Variants in PARD3B observed in about 807,000 individuals in gnomAD.
The protein encoded by PARD3B is partitioning defective 3 homolog B.
Under a neutral mutation model 130.2 loss-of-function variants are expected in PARD3B, and 103 were observed. The observed-to-expected ratio is 0.79, with a 90% CI of 0.67 to 0.93. The LOEUF is 0.93. Among genes scored for constraint, PARD3B ranks in the 40% least tolerant of loss-of-function variants. The pLI is 0.00. For missense variants in PARD3B, 1,609 were observed against 1,499.2 expected, an observed-to-expected ratio of 1.07 and a Z score of -1.21; for synonymous variants, 583 against 553.2, an observed-to-expected ratio of 1.05 and a Z score of -0.76.
At chr2:205,485,403 A>G (rs1299691845) in intron 20 of PARD3B, among the ~76,000 whole-genome samples, 1 of 152,212 alleles carries the variant, frequency 6.6e-6, no homozygotes, top group Non-Finnish European at 1.5e-5. Context: ...CACGTTAGCC[A>G]ACAAGTAGGG....
Position 205,172,392 on chromosome 2 carries a change from T to C in PARD3B, c.1791+11T>C, listed in dbSNP as rs185713091. ...GAGAGACCAATGGAGGTGATGCAAA[T>C]CTTGATTCTCCTCAGCCAGTTGCCC... is the stretch of plus-strand genomic sequence containing the variant. On this transcript the variant is annotated intron_variant, in intron 12 of 22. Coordinates refer to ENST00000406610, the MANE Select transcript of PARD3B (RefSeq NM_001302769.2). The C allele has an allele frequency of 3.5e-4, 560 of 1,609,836 alleles. 3 individuals carry two copies. In the African/African-American group the frequency reaches 6.7e-3, roughly 19 times the overall value.
chr2:205,084,671 A>G (rs767334782), intron 4 of PARD3B, among the ~76,000 whole-genome samples: 1 of 151,964 alleles, frequency 6.6e-6, no homozygotes. Context: ...CATACTTCCT[A>G]TAAAGTTTCC....
chr2:205,162,967 T>G (rs1576019094), intron 11 of PARD3B, among the ~76,000 whole-genome samples: 1 of 152,174 alleles, frequency 6.6e-6, no homozygotes, highest in African/African-American at 2.4e-5. Flanking sequence ...TAGTAAAAAT[T>G]TTTACATCTA....
rs576492913 is a variant in PARD3B, at chr2:205,125,011, G to T, written c.1305+545G>T. Among the ~76,000 whole-genome samples, 2 of 152,220 alleles carry T rather than the reference G, an allele frequency of 1.3e-5. No homozygotes were observed. The highest frequency in any genetic ancestry group is 6.5e-5 in the Admixed American group (1 of 15,288). ...TTTATTTTTGTCTGAGGACATTATC[G>T]TCTTGATAATTATATATTGTCCATT... On this transcript the variant is annotated intron_variant, in intron 9 of 22. Transcript: ENST00000406610. This position sits in a 1 kb window ranked among gnomAD's most constrained non-coding sequence, Gnocchi z 4.0.
intron 2 of PARD3B, among the ~76,000 whole-genome samples, chr2:204,781,288 A>G (rs2041827961): frequency 1.3e-5 from 2 of 152,156 alleles, no homozygotes; most frequent in East Asian, 1.9e-4. Flanking sequence ...AATGACTTTC[A>G]TGTACATTTA....
At chr2:204,836,845 C>T (rs1299425806) in intron 2 of PARD3B, among the ~76,000 whole-genome samples, 1 of 151,790 alleles carries the variant, frequency 6.6e-6, no homozygotes, top group Non-Finnish European at 1.5e-5. Flanking sequence ...TGAGTTTTTT[C>T]CTTTATGGTT....
Position 204,634,179 on chromosome 2 carries a change from C to A in PARD3B, c.121-52002C>A, listed in dbSNP as rs577118647. Among the ~76,000 whole-genome samples the A allele has an allele frequency of 3.3e-5, 5 of 152,230 alleles. No homozygotes were observed. In the South Asian group the frequency reaches 1.0e-3, roughly 32 times the overall value. On this transcript the variant is annotated intron_variant, in intron 1 of 22. Transcript: ENST00000406610. ...AGCCTCTAGTAACCATCCTTCTATTCTGTATATCCCTGAGTTCAATTGTTT... is the reference window on the plus strand; with the variant it reads ...AGCCTCTAGTAACCATCCTTCTATTATGTATATCCCTGAGTTCAATTGTTT...
chr2:205,153,340 G>A (rs1031701470), intron 10 of PARD3B, among the ~76,000 whole-genome samples: 3 of 152,126 alleles, frequency 2.0e-5, no homozygotes, highest in Non-Finnish European at 4.4e-5. Context: ...GAAATCACCC[G>A]TCTTCTGTGT....
intron 21 of PARD3B, among the ~76,000 whole-genome samples, chr2:205,543,482 C>A (rs2106467039): frequency 6.6e-6 from 1 of 152,278 alleles, no homozygotes; most frequent in African/African-American, 2.4e-5. Context: ...ACCATGGGTT[C>A]ATTTGAACTT....
chr2:205,610,497 G>A (rs942172675), intron 22 of PARD3B, among the ~76,000 whole-genome samples: 2 of 152,138 alleles, frequency 1.3e-5, no homozygotes, highest in Non-Finnish European at 2.9e-5. Flanking sequence ...TACCTAGTAA[G>A]CCCAGTTTCC....
intron 2 of PARD3B, among the ~76,000 whole-genome samples, chr2:204,903,653 C>G (rs2046945806): frequency 1.3e-5 from 2 of 152,058 alleles, no homozygotes; most frequent in Non-Finnish European, 2.9e-5. Flanking sequence ...TTTTATCGAT[C>G]TGGAATAAAA....
chr2:205,173,606 G>T (rs10198882), intron 12 of PARD3B, among the ~76,000 whole-genome samples: 54,322 of 151,952 alleles, frequency 0.36, 9,958 homozygotes, highest in Middle Eastern at 0.5. Flanking sequence ...TATCAGCTAC[G>T]GGCAAGGAGT....
At chr2:205,028,157 G>T (rs189572703) in intron 3 of PARD3B, among the ~76,000 whole-genome samples, 17 of 152,080 alleles carry the variant, frequency 1.1e-4, no homozygotes, top group African/African-American at 3.1e-4. Context: ...GATCACTTTG[G>T]GTAGTATGGA....
intron 3 of PARD3B, among the ~76,000 whole-genome samples, chr2:205,042,084 A>G (rs1294109695): frequency 6.6e-6 from 1 of 152,166 alleles, no homozygotes; most frequent in Non-Finnish European, 1.5e-5. Flanking sequence ...TGCATGATTC[A>G]TTGGTATACC....
intron 13 of PARD3B, among the ~76,000 whole-genome samples, chr2:205,179,324 G>A (rs967611464): frequency 6.6e-6 from 1 of 152,170 alleles, no homozygotes; most frequent in African/African-American, 2.4e-5. Flanking sequence ...GAAATGTAGT[G>A]TAGCCTAAGT....
At chr2:205,582,003 G>A (rs2054008290) in intron 22 of PARD3B, among the ~76,000 whole-genome samples, 1 of 152,170 alleles carries the variant, frequency 6.6e-6, no homozygotes, top group Admixed American at 6.5e-5. Context: ...ATGACTAGAT[G>A]AGGAGTCATG....
At chr2:205,195,272 T>C (rs1363296615) in intron 15 of PARD3B, among the ~76,000 whole-genome samples, 1 of 152,198 alleles carries the variant, frequency 6.6e-6, no homozygotes, top group Non-Finnish European at 1.5e-5. Flanking sequence ...TTGGTCAGGT[T>C]ACGAGCTATT....
At chr2:205,018,252 G>A (rs573182880) in intron 3 of PARD3B, among the ~76,000 whole-genome samples, 2 of 152,226 alleles carry the variant, frequency 1.3e-5, no homozygotes, top group Non-Finnish European at 2.9e-5. Flanking sequence ...ATGCCTTTAA[G>A]GCATTCACAC....
At chr2:204,835,898 C>T (rs538162951) in intron 2 of PARD3B, among the ~76,000 whole-genome samples, 3 of 152,242 alleles carry the variant, frequency 2.0e-5, no homozygotes, top group African/African-American at 4.8e-5. Context: ...TAAGCTATGG[C>T]GTGTTCTGTA....
Sources: gnomAD v4.1 joint callset for allele counts (sites outside exome capture counted in the v4.1 genomes callset) on GRCh38, gnomAD v4.1.1 for gene constraint, Gnocchi (gnomAD v3.1) non-coding constraint, MANE v1.5 for transcripts, NCBI Gene and HGNC (gene_info 2026-07-23, HGNC 2026-07-21) for gene names.